The following MLLT10 variants were observed in gnomAD, a reference collection of about 807,000 sequenced individuals.
The protein encoded by MLLT10 is protein AF-10.
In MLLT10, 30 loss-of-function variants were observed where a neutral mutation model predicts 129.1. The observed-to-expected ratio is 0.23, with a 90% CI of 0.17 to 0.32. The LOEUF (loss-of-function observed/expected upper bound fraction) is 0.32. Ranked by LOEUF, MLLT10 falls within the 10% of genes least tolerant of loss-of-function variation. The pLI, the probability that MLLT10 is intolerant of heterozygous loss-of-function variation, is 1.00. For missense variants in MLLT10, 1,119 were observed against 1,268.3 expected, an observed-to-expected ratio of 0.88 and a Z score of 1.79; for synonymous variants, 490 against 446.4, an observed-to-expected ratio of 1.10 and a Z score of -1.23.
intron 13 of MLLT10, among the ~76,000 whole-genome samples, chr10:21,711,131 T>C (rs1366980918): frequency 6.6e-6 from 1 of 152,112 alleles, no homozygotes; most frequent in Non-Finnish European, 1.5e-5. Flanking sequence ...CTTTAGAAAT[T>C]AGCTTGAGAG....
intron 9 of MLLT10, among the ~76,000 whole-genome samples, chr10:21,665,416 A>C (rs1212539228): frequency 6.6e-6 from 1 of 151,096 alleles, no homozygotes; most frequent in Non-Finnish European, 1.5e-5. Context: ...AGCCTCCTGA[A>C]TAGCTGGGAT....
At chr10:21,569,756 A>T (rs1564429300) in intron 3 of MLLT10, among the ~76,000 whole-genome samples, 1 of 148,284 alleles carries the variant, frequency 6.7e-6, no homozygotes, top group African/African-American at 2.5e-5. Flanking sequence ...TTTTGTAGAG[A>T]CCGGGTCTTC....
chr10:21,688,403 A>G (rs1467866102), intron 13 of MLLT10: 3 of 1,092,588 alleles, frequency 2.7e-6, no homozygotes, highest in African/African-American at 1.6e-5. Context: ...CCCCATCATA[A>G]TATCTTCAGT....
At position 21,740,214 on chromosome 10, in the gene MLLT10, A is replaced by G. The variant is rs762544351; in HGVS notation, c.3140A>G (p.Asp1047Gly). The change falls in exon 22 of 23, where the codon GAT (aspartate) becomes GGT (glycine). Residue 1047 changes from aspartate to glycine, a missense_variant. Physicochemically the swap from Asp to Gly is moderately conservative, Grantham distance 94. Around this residue, in one of 5 missense-constraint regions of MLLT10, gnomAD observed 1,004 missense variants for 1,008.7 expected, o/e 1.00. Transcript: ENST00000307729. ...TTNPFLTIHG[D>G]NASQKVARLS... ...AACCCATTTCTCACCATCCATGGAGATAATGCAAGTCAGAAAGTAGCAGTA... is the reference window on the plus strand; with the variant it reads ...AACCCATTTCTCACCATCCATGGAGGTAATGCAAGTCAGAAAGTAGCAGTA... The G allele has an allele frequency of 1.2e-5, 20 of 1,614,202 alleles. No homozygotes were observed. Among genetic ancestry groups the G allele is most frequent in the Non-Finnish European group, 1.7e-5 (20 of 1,180,024 alleles).
chr10:21,632,676 C>T (rs961575882), intron 8 of MLLT10, among the ~76,000 whole-genome samples: 3 of 152,010 alleles, frequency 2.0e-5, no homozygotes, highest in Non-Finnish European at 2.9e-5. Flanking sequence ...CAGTAGAATC[C>T]GGTTTATTTT....
At chr10:21,696,239 A>G (rs1293268174) in intron 13 of MLLT10, among the ~76,000 whole-genome samples, 4 of 151,700 alleles carry the variant, frequency 2.6e-5, no homozygotes, top group Admixed American at 1.3e-4. Context: ...TAAGCCTTCA[A>G]GTTTCCTTTT....
intron 14 of MLLT10, among the ~76,000 whole-genome samples, chr10:21,717,066 C>T (rs957860669): frequency 2.6e-5 from 4 of 151,444 alleles, no homozygotes; most frequent in African/African-American, 9.7e-5. Context: ...AGACCAGCCT[C>T]AACATGGAGA....
At chr10:21,625,408 T>A (rs959999862) in intron 8 of MLLT10, 1 of 821,204 alleles carries the variant, frequency 1.2e-6, no homozygotes, top group African/African-American at 1.7e-5. Flanking sequence ...ATATTTCGTC[T>A]GTGCCCAAGT....
At chr10:21,692,350 T>A (rs1463138964) in intron 13 of MLLT10, among the ~76,000 whole-genome samples, 5 of 150,980 alleles carry the variant, frequency 3.3e-5, no homozygotes, top group Non-Finnish European at 7.4e-5. Context: ...TATTATTATT[T>A]AATCAATCAG....
In MLLT10 at chr10:21,584,912, AT is replaced by A. The variant is rs765968007; in HGVS notation, c.241-1373del. On this transcript the variant is annotated intron_variant, in intron 3 of 22. Transcript: ENST00000307729. ...TATATATATGTATATGTATATATAC[AT>A]TTTTTTTTATTTTTGTTTTTTTTGA... Among the ~76,000 whole-genome samples the A allele has an allele frequency of 2.2e-3, 331 of 149,956 alleles. 3 individuals are homozygous for A. The highest frequency in any genetic ancestry group is 7.7e-3 in the African/African-American group (313 of 40,882).
At chr10:21,703,420 T>C (rs1407764976) in intron 13 of MLLT10, among the ~76,000 whole-genome samples, 1 of 152,170 alleles carries the variant, frequency 6.6e-6, no homozygotes, top group Non-Finnish European at 1.5e-5. Context: ...CTCTTGTTTT[T>C]AGAATTCTTT....
At chr10:21,732,649 G>A (rs766650434) in intron 17 of MLLT10, among the ~76,000 whole-genome samples, 7 of 152,178 alleles carry the variant, frequency 4.6e-5, no homozygotes, top group South Asian at 2.1e-4. Context: ...GTGTTTTTTG[G>A]TATGTGGCAA....
In MLLT10 at chr10:21,534,692, T is replaced by C; in HGVS notation, c.48T>C (p.His16=). 1 of 1,612,526 alleles carries C rather than the reference T, an allele frequency of 6.2e-7. No homozygotes were observed. Among genetic ancestry groups the C allele is most frequent in the East Asian group, 2.2e-5 (1 of 44,752 alleles). ...RPVSLEDEVS[H]SMKEMIGGCC... ...TGTCACTGGAGGACGAGGTCTCCCA[T>C]AGTATGAAGGAGATGATTGGAGGCT... The change falls in exon 2 of 23, where the codon CAT becomes CAC. Residue 16 remains histidine (H), a synonymous_variant. Coordinates refer to ENST00000307729, the MANE Select transcript of MLLT10 (RefSeq NM_001195626.3).
intron 4 of MLLT10, among the ~76,000 whole-genome samples, chr10:21,587,249 T>TA (rs1342614481): frequency 7.9e-5 from 12 of 151,150 alleles, no homozygotes; most frequent in Middle Eastern, 3.4e-3. Context: ...AAAGTAAATA[T>TA]AAAAAATAAA....
chr10:21,645,038 G>A (rs369711107), intron 8 of MLLT10, among the ~76,000 whole-genome samples: 18 of 152,280 alleles, frequency 1.2e-4, no homozygotes, highest in African/African-American at 4.3e-4. Context: ...CTTCCCTGAA[G>A]CTAGTACTAC....
intron 6 of MLLT10, among the ~76,000 whole-genome samples, chr10:21,613,993 G>C (rs1485110537): frequency 3.3e-5 from 5 of 151,954 alleles, no homozygotes; most frequent in African/African-American, 1.2e-4. Context: ...GGCCAAGGTG[G>C]GAGGATCGCT....
chr10:21,669,020 C>G, intron 9 of MLLT10: 1 of 1,382,518 alleles, frequency 7.2e-7, no homozygotes, highest in Non-Finnish European at 9.6e-7. Context: ...CCAAATTGAC[C>G]TGCCCAGCAT....
chr10:21,577,393 A>G (rs2040881275), intron 3 of MLLT10, among the ~76,000 whole-genome samples: 1 of 151,232 alleles, frequency 6.6e-6, no homozygotes, highest in African/African-American at 2.4e-5. Flanking sequence ...TCATGCTGTA[A>G]CTCTGTTTAA....
At chr10:21,738,355 C>T in intron 21 of MLLT10, 1 of 1,247,878 alleles carries the variant, frequency 8.0e-7, no homozygotes, top group Middle Eastern at 2.2e-4. Flanking sequence ...CACTAAAACT[C>T]CATTTATTTG....
Sources: allele counts gnomAD v4.1 joint callset (sites outside exome capture counted in the v4.1 genomes callset), GRCh38; gene constraint gnomAD v4.1.1; regional missense constraint gnomAD v4.1.1; transcripts MANE v1.5; gene names NCBI Gene and HGNC (gene_info 2026-07-23, HGNC 2026-07-21).